The following CHMP4C variants were observed in gnomAD, a reference collection of about 807,000 sequenced individuals.
CHMP4C encodes the protein charged multivesicular body protein 4C.
CHMP4C carries 28 observed loss-of-function variants against 29.0 expected under a neutral mutation model. The observed-to-expected ratio is 0.97, with a 90% CI of 0.72 to 1.32. CHMP4C has a LOEUF of 1.32. Ranked by LOEUF, CHMP4C falls within the 40% of genes most tolerant of loss-of-function variation. The probability of loss-of-function intolerance (pLI) is 0.00; values close to 1 mark genes in which losing one functional copy is unlikely to be tolerated. For synonymous variants in CHMP4C, 106 were observed against 102.4 expected (o/e 1.04, Z -0.21); for missense variants, 291 against 281.0 (o/e 1.04, Z -0.25).
chr8:81,745,607 T>C (rs764235138), intron 1 of CHMP4C, among the ~76,000 whole-genome samples: 1 of 152,224 alleles, frequency 6.6e-6, no homozygotes, highest in Non-Finnish European at 1.5e-5. Flanking sequence ...ATAGGAATAG[T>C]TAAATTTTGG....
chr8:81,735,239 A>G (rs1808672660), intron 1 of CHMP4C, among the ~76,000 whole-genome samples: 1 of 152,080 alleles, frequency 6.6e-6, no homozygotes, highest in East Asian at 1.9e-4. Context: ...CAGAAGCTTC[A>G]CTGGTGTTAG....
chr8:81,736,232 T>C (rs1323823180), intron 1 of CHMP4C, among the ~76,000 whole-genome samples: 1 of 152,114 alleles, frequency 6.6e-6, no homozygotes, highest in Non-Finnish European at 1.5e-5. Context: ...CAGGGCTCAC[T>C]GCAGCCTTGA....
chr8:81,753,249 ACT>A lies in CHMP4C; in HGVS notation c.368+11_368+12del. On this transcript the variant is annotated intron_variant, in intron 2 of 4. Coordinates refer to ENST00000297265, the MANE Select transcript of CHMP4C (RefSeq NM_152284.4). ...ATCTGTTCATGAAAACATGTGAGTG[ACT>A]CTGGTCTCCCTCTGAATCATAAATT... 1 of 1,549,964 alleles carries A rather than the reference ACT, an allele frequency of 6.5e-7. No homozygotes were observed. The highest frequency in any genetic ancestry group is 8.8e-7 in the Non-Finnish European group (1 of 1,136,226).
At position 81,758,304 on chromosome 8, in the gene CHMP4C, C is replaced by T; in HGVS notation, c.637+9C>T. On this transcript the variant is annotated intron_variant, in intron 4 of 4. Coordinates refer to ENST00000297265, the MANE Select transcript of CHMP4C (RefSeq NM_152284.4). ...ACGTCGATCCCGAGCAGGTCTGTTA[C>T]CCAGCTCAACTACATGTGGTCAGAT... The T allele has an allele frequency of 6.2e-7, 1 of 1,613,766 alleles. No individual in the cohort carries two copies. The highest frequency in any genetic ancestry group is 8.5e-7 in the Non-Finnish European group (1 of 1,179,774).
chr8:81,758,233 C>G lies in CHMP4C; in HGVS notation c.575C>G (p.Ser192Cys). The G allele has an allele frequency of 6.2e-7, 1 of 1,613,962 alleles. No homozygotes were observed. ...CGCCTTCCAAATGTGCCTTCCTCTTCTCTCCCAGCACAGCCAAATAGAAAA... is the reference window on the plus strand; with the variant it reads ...CGCCTTCCAAATGTGCCTTCCTCTTGTCTCCCAGCACAGCCAAATAGAAAA... ...NIRLPNVPSS[S>C]LPAQPNRKPG... The change falls in exon 4 of 5, where the codon TCT becomes TGT. Residue 192 changes from serine to cysteine, a missense_variant. Coordinates refer to ENST00000297265, the MANE Select transcript of CHMP4C (RefSeq NM_152284.4).
intron 1 of CHMP4C, among the ~76,000 whole-genome samples, chr8:81,751,504 T>A (rs1205353647): frequency 6.6e-6 from 1 of 152,092 alleles, no homozygotes; most frequent in East Asian, 1.9e-4. Context: ...TTAATTTCCT[T>A]TCAACATAGA....
chr8:81,758,586 T>G lies in CHMP4C; in HGVS notation c.*42T>G. On this transcript the variant is annotated 3_prime_UTR_variant, in exon 5 of 5. Transcript: ENST00000297265. ...GATACCTAAATTAATGAGCTATAGA[T>G]AAAATATAAAAAATGTTTTTACCAA... is the stretch of plus-strand genomic sequence containing the variant. The G allele has an allele frequency of 7.8e-7, 1 of 1,278,204 alleles. No homozygotes were observed. The highest frequency in any genetic ancestry group is 1.1e-6 in the Non-Finnish European group (1 of 882,904). The allele number at this position is 1,278,204 out of a possible 1,614,324, so 79.2% of individuals were successfully genotyped here. A position where few individuals can be genotyped will look rare whatever the true frequency, so the allele number is the denominator to read the frequency against.
intron 3 of CHMP4C, 41 bp from the exon 4 acceptor site, chr8:81,758,101 G>T (rs558172721): frequency 1.6e-5 from 25 of 1,597,764 alleles, no homozygotes; most frequent in Non-Finnish European, 2.1e-5. Context: ...CCCATGTCTT[G>T]AAACGTTAAC....
In CHMP4C at chr8:81,747,464, G is replaced by C. The variant is rs78652334; in HGVS notation, c.191-5600G>C. On this transcript the variant is annotated intron_variant, in intron 1 of 4. Coordinates refer to ENST00000297265, the MANE Select transcript of CHMP4C (RefSeq NM_152284.4). ...CATGCACTCTGAAGATTCCACTTCC[G>C]GGTATGTTGGGTGGGGATGTATATT... 3.4e-3 allele frequency among the ~76,000 whole-genome samples: 513 copies of C among 152,094 alleles called. 4 individuals are homozygous for C. Among genetic ancestry groups the C allele is most frequent in the African/African-American group, 0.011 (460 of 41,488 alleles).
At chr8:81,739,414 ATT>A (rs1380630402) in intron 1 of CHMP4C, among the ~76,000 whole-genome samples, 12 of 15,378 alleles carry the variant, frequency 7.8e-4, no homozygotes, top group African/African-American at 4.6e-3. Flanking sequence ...GGCCTGGGGG[ATT>A]GTGGGGGGGG....
At chr8:81,747,555 A>C (rs1487083853) in intron 1 of CHMP4C, among the ~76,000 whole-genome samples, 1 of 152,094 alleles carries the variant, frequency 6.6e-6, no homozygotes, top group Admixed American at 6.6e-5. Flanking sequence ...GAAATGTAGA[A>C]ATGTTTTGTA....
intron 1 of CHMP4C, among the ~76,000 whole-genome samples, chr8:81,743,760 G>A (rs1164219202): frequency 6.6e-6 from 1 of 152,108 alleles, no homozygotes; most frequent in Non-Finnish European, 1.5e-5. Flanking sequence ...TATCCTGGTA[G>A]CAAGAATTGC....
In CHMP4C at chr8:81,747,610, C is replaced by G. The variant is rs150463012; in HGVS notation, c.191-5454C>G. 5.9e-4 allele frequency among the ~76,000 whole-genome samples: 89 copies of G among 152,078 alleles called. No individual in the cohort carries two copies. In the East Asian group the frequency reaches 0.015, roughly 26 times the overall value. On this transcript the variant is annotated intron_variant, in intron 1 of 4. Transcript: ENST00000297265. ...ATGAGGTATTTTTGGGGGACCTGCC[C>G]CAAAAATCACATAGGTTCTTTTCTA...
At chr8:81,736,468 A>G (rs1373207299) in intron 1 of CHMP4C, among the ~76,000 whole-genome samples, 1 of 152,088 alleles carries the variant, frequency 6.6e-6, no homozygotes, top group East Asian at 1.9e-4. Flanking sequence ...GTGAAATTCT[A>G]CATATTCTAA....
rs1489758982 is a variant in CHMP4C at position 81,758,863 on chromosome 8, T to C, written c.*319T>C. On this transcript the variant is annotated 3_prime_UTR_variant, in exon 5 of 5. Transcript: ENST00000297265. ...TAAAAATACAAAAATTAGCCGGACATGGTGGCAGGCACCTGTAATCCCAGC... is the reference window on the plus strand; with the variant it reads ...TAAAAATACAAAAATTAGCCGGACACGGTGGCAGGCACCTGTAATCCCAGC... 9.7e-6 allele frequency: 2 copies of C among 205,676 alleles called. No individual in the cohort carries two copies. Among genetic ancestry groups the C allele is most frequent in the South Asian group, 9.8e-5 (1 of 10,190 alleles). 12.7% of individuals were successfully genotyped at this position (205,676 alleles called of 1,614,324 possible). A position where few individuals can be genotyped will look rare whatever the true frequency, so the allele number is the denominator to read the frequency against.
intron 1 of CHMP4C, among the ~76,000 whole-genome samples, chr8:81,745,479 A>C (rs769895723): frequency 2.0e-5 from 3 of 152,200 alleles, no homozygotes; most frequent in Non-Finnish European, 4.4e-5. Flanking sequence ...TTGACTTTTA[A>C]AACCAAAATG....
intron 1 of CHMP4C, among the ~76,000 whole-genome samples, chr8:81,735,970 CAGCT>C (rs923817462): frequency 2.0e-5 from 3 of 151,856 alleles, no homozygotes; most frequent in Admixed American, 1.3e-4. Context: ...TCTGTAATCC[CAGCT>C]ACTTGGGAGG....
intron 3 of CHMP4C, among the ~76,000 whole-genome samples, chr8:81,757,137 T>C (rs1372565158): frequency 1.3e-5 from 2 of 152,186 alleles, no homozygotes; most frequent in Non-Finnish European, 2.9e-5. Flanking sequence ...TATTTGTTTA[T>C]GTGCCTTCCC....
At chr8:81,756,148 A>C (rs1808969068) in intron 3 of CHMP4C, among the ~76,000 whole-genome samples, 1 of 152,222 alleles carries the variant, frequency 6.6e-6, no homozygotes, top group South Asian at 2.1e-4. Flanking sequence ...TTAGCAAGTA[A>C]GACCTGGTTC....
Sources: gnomAD v4.1 joint callset for allele counts (sites outside exome capture counted in the v4.1 genomes callset) on GRCh38, gnomAD v4.1.1 for gene constraint, MANE v1.5 for transcripts, NCBI Gene and HGNC (gene_info 2026-07-23, HGNC 2026-07-21) for gene names.